PTGER3: variants seen among roughly 807,000 people sequenced by gnomAD.
PTGER3 encodes prostaglandin E2 receptor EP3 subtype.
In PTGER3, 22 loss-of-function variants were observed where a neutral mutation model predicts 34.7. The ratio of observed to expected loss-of-function variants is 0.63; its 90% CI spans 0.45 to 0.91. The LOEUF (loss-of-function observed/expected upper bound fraction) is 0.91. PTGER3 is among the 40% of genes least tolerant of loss of function. The probability of loss-of-function intolerance (pLI) is 0.00; values close to 1 mark genes in which losing one functional copy is unlikely to be tolerated. For missense variants in PTGER3, 468 were observed against 519.4 expected (o/e 0.90, Z 0.96); for synonymous variants, 241 against 230.1 (o/e 1.05, Z -0.43).
chr1:71,025,984 T>C (rs2100925191), intron 1 of PTGER3, among the ~76,000 whole-genome samples: 1 of 152,286 alleles, frequency 6.6e-6, no homozygotes. Context: ...CATTGTGTGA[T>C]TACTCCCCCC....
At chr1:71,042,948 A>G (rs938333825) in intron 1 of PTGER3, among the ~76,000 whole-genome samples, 2 of 152,150 alleles carry the variant, frequency 1.3e-5, no homozygotes, top group African/African-American at 4.8e-5. Flanking sequence ...TGTTGCTCAT[A>G]CCTCACTTTT....
chr1:70,945,626 C>G (rs887905137), intron 4 of PTGER3, among the ~76,000 whole-genome samples: 6 of 152,018 alleles, frequency 3.9e-5, no homozygotes, highest in African/African-American at 1.4e-4. Context: ...AAATTTGCTT[C>G]ATGTCAAGTT....
intron 1 of PTGER3, among the ~76,000 whole-genome samples, chr1:71,022,029 T>C (rs1658466131): frequency 6.6e-6 from 1 of 151,948 alleles, no homozygotes; most frequent in African/African-American, 2.4e-5. Flanking sequence ...ACTGTGCTTA[T>C]TTATAGTAAA....
downstream of PTGER3, among the ~76,000 whole-genome samples, chr1:70,969,611 A>C (rs921800284): frequency 6.6e-6 from 1 of 152,206 alleles, no homozygotes; most frequent in South Asian, 2.1e-4. Context: ...TAAGGAAAAA[A>C]CAAAAATACT....
chr1:71,009,532 AT>A (rs1256735238), intron 2 of PTGER3: 1 of 984,782 alleles, frequency 1.0e-6, no homozygotes, highest in Non-Finnish European at 1.2e-6. Flanking sequence ...AACTGCTCTC[AT>A]TAAGTAACAT....
chr1:70,905,375 A>C (rs1161206320), intron 4 of PTGER3, among the ~76,000 whole-genome samples: 1 of 151,940 alleles, frequency 6.6e-6, no homozygotes. Context: ...AAATAACTCC[A>C]CTGACAGCCT....
intron 2 of PTGER3, among the ~76,000 whole-genome samples, chr1:70,990,465 C>CAT (rs909362136): frequency 1.4e-5 from 2 of 146,182 alleles, no homozygotes. Context: ...ATATATTATA[C>CAT]ATATATATAC....
intron 4 of PTGER3, among the ~76,000 whole-genome samples, chr1:70,878,059 T>A (rs909192342): frequency 6.6e-6 from 1 of 152,000 alleles, no homozygotes; most frequent in Non-Finnish European, 1.5e-5. Flanking sequence ...ATGTCATAGG[T>A]TTGTAAGTCT....
chr1:70,984,484 G>C lies in PTGER3; in HGVS notation c.1078-10096C>G, dbSNP rs191758669. 1.7e-4 allele frequency among the ~76,000 whole-genome samples: 26 copies of C among 152,138 alleles called. No homozygotes were observed. In the East Asian group the frequency reaches 4.6e-3, roughly 27 times the overall value. Reference sequence around the variant, plus strand: ...ATAAGGGTAACTCTGCAAGGCCAAGGTGGGAGGATCACTTGAGGCCAGGAA... The same window carrying C: ...ATAAGGGTAACTCTGCAAGGCCAAGCTGGGAGGATCACTTGAGGCCAGGAA... On this transcript the variant is annotated intron_variant, in intron 2 of 3. Transcript: ENST00000306666.
intron 1 of PTGER3, among the ~76,000 whole-genome samples, chr1:71,020,697 A>AGTGTGTGTGTGT (rs112981971): frequency 2.6e-3 from 374 of 144,884 alleles, no homozygotes; most frequent in African/African-American, 8.7e-3. Flanking sequence ...ATGTTAGCAG[A>AGTGTGTGTGTGT]GTGTGTGTGT....
At chr1:70,880,156 C>T (rs983699404) in intron 4 of PTGER3, among the ~76,000 whole-genome samples, 1 of 151,946 alleles carries the variant, frequency 6.6e-6, no homozygotes, top group African/African-American at 2.4e-5. Context: ...ATTATGCAGA[C>T]TTGATTGTGT....
chr1:70,970,290 A>G (rs886874146), downstream of PTGER3, among the ~76,000 whole-genome samples: 3 of 152,186 alleles, frequency 2.0e-5, no homozygotes, highest in Admixed American at 6.6e-5. Context: ...AGATAGAAGT[A>G]ACAGAAGAAT....
intron 4 of PTGER3, among the ~76,000 whole-genome samples, chr1:70,882,732 G>A (rs925598964): frequency 2.6e-5 from 4 of 152,150 alleles, no homozygotes; most frequent in Non-Finnish European, 5.9e-5. Flanking sequence ...TGTGGAGAGT[G>A]CGAATCTTCT....
intron 2 of PTGER3, among the ~76,000 whole-genome samples, chr1:70,987,208 G>T (rs901792622): frequency 5.3e-5 from 8 of 152,078 alleles, no homozygotes; most frequent in Non-Finnish European, 1.2e-4. Flanking sequence ...GTATTATAAA[G>T]GTGACCAGGA....
chr1:70,968,130 G>T (rs1267291779), downstream of PTGER3, among the ~76,000 whole-genome samples: 1 of 152,132 alleles, frequency 6.6e-6, no homozygotes, highest in Non-Finnish European at 1.5e-5. Context: ...TTTACATTGG[G>T]TTGCACTGAT....
intron 4 of PTGER3, among the ~76,000 whole-genome samples, chr1:70,934,241 C>T (rs1648995096): frequency 6.6e-6 from 1 of 152,134 alleles, no homozygotes. Context: ...TAATCTCAAC[C>T]AACAACTCCA....
chr1:70,984,139 C>A (rs370180206), intron 2 of PTGER3, among the ~76,000 whole-genome samples: 1 of 152,110 alleles, frequency 6.6e-6, no homozygotes, highest in Non-Finnish European at 1.5e-5. Flanking sequence ...GTAATCCCAG[C>A]ACCTTTGGAG....
At chr1:70,869,020 C>A (rs904325156) in intron 4 of PTGER3, among the ~76,000 whole-genome samples, 1 of 152,140 alleles carries the variant, frequency 6.6e-6, no homozygotes. Context: ...GCCTGCCGAA[C>A]CATGAGCCAA....
chr1:70,895,831 G>T (rs1010741835), intron 4 of PTGER3, among the ~76,000 whole-genome samples: 6 of 152,188 alleles, frequency 3.9e-5, no homozygotes, highest in African/African-American at 1.2e-4. Context: ...GGCTAAGGTG[G>T]TTGCAAAAGA....
Sources: gnomAD v4.1 joint callset for allele counts (sites outside exome capture counted in the v4.1 genomes callset) on GRCh38, gnomAD v4.1.1 for gene constraint, MANE v1.5 for transcripts, NCBI Gene and HGNC (gene_info 2026-07-23, HGNC 2026-07-21) for gene names.